Variants in ABLIM1 observed in about 807,000 individuals in gnomAD.
ABLIM1 encodes actin-binding LIM protein 1.
ABLIM1 carries 40 observed loss-of-function variants against 107.0 expected under a neutral mutation model. The ratio of observed to expected loss-of-function variants is 0.37; its 90% confidence interval spans 0.29 to 0.49. ABLIM1 has a LOEUF of 0.49. Among genes scored for constraint, ABLIM1 ranks in the 20% least tolerant of loss-of-function variants. The pLI is 0.97. For synonymous variants in ABLIM1, 357 were observed against 357.3 expected (o/e 1.00, Z 0.01); for missense variants, 857 against 1,008.5 (o/e 0.85, Z 2.04).
chr10:114,680,372 G>A (rs7083553), intron 1 of ABLIM1, among the ~76,000 whole-genome samples: 3,737 of 152,284 alleles, frequency 0.025, 141 homozygotes, highest in African/African-American at 0.085. Flanking sequence ...AAATCTCTCT[G>A]CTTCTAGAGC....
At chr10:114,618,180 C>T (rs534071138) in intron 1 of ABLIM1, among the ~76,000 whole-genome samples, 4 of 152,290 alleles carry the variant, frequency 2.6e-5, no homozygotes, top group African/African-American at 9.6e-5. Context: ...TGGTTAAACC[C>T]ATGGTCACTG....
chr10:114,540,972 G>A (rs1429431306), intron 6 of ABLIM1, among the ~76,000 whole-genome samples: 2 of 152,164 alleles, frequency 1.3e-5, no homozygotes, highest in African/African-American at 4.8e-5. Context: ...ATCTTGAGAT[G>A]GTGAGGTCAT....
chr10:114,716,415 AC>A (rs999852526), intron 1 of ABLIM1, among the ~76,000 whole-genome samples: 3 of 147,736 alleles, frequency 2.0e-5, no homozygotes, highest in African/African-American at 7.4e-5. Flanking sequence ...AGAGAAACAC[AC>A]ACACACACAC....
the ABLIM1 span, among the ~76,000 whole-genome samples, chr10:114,784,349 AAAAGAAAG>A: frequency 5.4e-4 from 71 of 131,940 alleles, no homozygotes; most frequent in South Asian, 1.2e-3. Flanking sequence ...CTGTCTCAAA[AAAAGAAAG>A]AAAGAAAGAA....
intron 6 of ABLIM1, among the ~76,000 whole-genome samples, chr10:114,535,254 C>T (rs1306840372): frequency 1.3e-5 from 2 of 152,064 alleles, no homozygotes; most frequent in Admixed American, 1.3e-4. Flanking sequence ...GGTAACCTCT[C>T]GCCACACAAA....
chr10:114,734,458 G>A (rs1161929012), intron 1 of ABLIM1, among the ~76,000 whole-genome samples: 1 of 151,912 alleles, frequency 6.6e-6, no homozygotes, highest in African/African-American at 2.4e-5. Flanking sequence ...AGCCAAATTG[G>A]TTTCCTTCAG....
chr10:114,491,012 G>GTATGTATATATA (rs1555092305), intron 7 of ABLIM1, among the ~76,000 whole-genome samples: 40 of 92,396 alleles, frequency 4.3e-4, no homozygotes, highest in African/African-American at 1.8e-3. Flanking sequence ...GTGTGTGTGT[G>GTATGTATATATA]TATATATATA....
chr10:114,770,290 A>G (rs1408841691), upstream of ABLIM1, among the ~76,000 whole-genome samples: 4 of 152,208 alleles, frequency 2.6e-5, no homozygotes, highest in African/African-American at 7.2e-5. Context: ...TAGGGTTACA[A>G]TGGTGAACAA....
At chr10:114,786,633 GA>G in the ABLIM1 span, among the ~76,000 whole-genome samples, 2 of 152,218 alleles carry the variant, frequency 1.3e-5, no homozygotes, top group Admixed American at 1.3e-4. Flanking sequence ...AAGAAAAGCA[GA>G]GGGGCACTGA....
chr10:114,588,031 G>T (rs1333690), intron 2 of ABLIM1, among the ~76,000 whole-genome samples: 59,108 of 152,058 alleles, frequency 0.39, 13,507 homozygotes, highest in Non-Finnish European at 0.52. Context: ...TGAAGGCAGA[G>T]ATCACGTCTG....
At chr10:114,648,808 C>T (rs897714615) in intron 1 of ABLIM1, among the ~76,000 whole-genome samples, 10 of 152,242 alleles carry the variant, frequency 6.6e-5, no homozygotes, top group Non-Finnish European at 1.0e-4. Flanking sequence ...TAGGGAGACA[C>T]GCAAACAAAC....
intron 11 of ABLIM1, among the ~76,000 whole-genome samples, chr10:114,466,176 C>CA (rs756309962): frequency 4.6e-5 from 7 of 151,974 alleles, no homozygotes; most frequent in Non-Finnish European, 7.4e-5. Flanking sequence ...CTTGTCTTTA[C>CA]AAAAAACTGT....
chr10:114,718,062 A>AAAGG (rs1308728552), intron 1 of ABLIM1, among the ~76,000 whole-genome samples: 4 of 47,470 alleles, frequency 8.4e-5, no homozygotes, highest in Non-Finnish European at 1.4e-4. Context: ...AGAAAGAAAG[A>AAAGG]AAGGAAGAAA....
intron 1 of ABLIM1, among the ~76,000 whole-genome samples, chr10:114,760,122 G>A (rs1241657758): frequency 6.6e-6 from 1 of 151,448 alleles, no homozygotes. Flanking sequence ...GGAATAGACA[G>A]GATTTGAAAT....
chr10:114,444,206 T>G, intron 16 of ABLIM1, 72 bp from the exon 17 acceptor site: 6 of 1,310,658 alleles, frequency 4.6e-6, no homozygotes, highest in East Asian at 2.3e-5. Flanking sequence ...GGAGCTGCAG[T>G]TTCTTTGTAG....
intron 1 of ABLIM1, among the ~76,000 whole-genome samples, chr10:114,715,549 G>C (rs942442045): frequency 6.6e-6 from 1 of 152,116 alleles, no homozygotes. Flanking sequence ...TTGCAGCTCA[G>C]ATTACCCTCC....
intron 12 of ABLIM1, among the ~76,000 whole-genome samples, chr10:114,462,289 C>T (rs1223141749): frequency 6.6e-6 from 1 of 152,166 alleles, no homozygotes; most frequent in Non-Finnish European, 1.5e-5. Flanking sequence ...TTATTTGGTT[C>T]AAATCAAGTT....
rs2078042600 is a variant in ABLIM1 at position 114,629,705 on chromosome 10, AC to A, written c.245-27745del. ...CTGTGTGACCTTCAGCAACCTACTT[AC>A]CCTTTCTGATCCCCAGTTTTCTCAT... is the stretch of plus-strand genomic sequence containing the variant. On this transcript the variant is annotated intron_variant, in intron 1 of 22. Transcript: ENST00000533213. The surrounding 1 kb of genome is among the most constrained non-coding windows in gnomAD (Gnocchi z 4.0). 1.3e-5 allele frequency among the ~76,000 whole-genome samples: 2 copies of A among 152,112 alleles called. No individual in the cohort carries two copies. Among genetic ancestry groups the A allele is most frequent in the South Asian group, 4.2e-4 (2 of 4,806 alleles).
intron 1 of ABLIM1, among the ~76,000 whole-genome samples, chr10:114,718,675 C>G (rs1229602485): frequency 6.6e-6 from 1 of 152,184 alleles, no homozygotes; most frequent in Non-Finnish European, 1.5e-5. Context: ...TTTAAAGGTG[C>G]TCAAGTCCTA....
Sources: gnomAD v4.1 joint callset for allele counts (sites outside exome capture counted in the v4.1 genomes callset) on GRCh38, gnomAD v4.1.1 for gene constraint, Gnocchi (gnomAD v3.1) non-coding constraint, MANE v1.5 for transcripts, NCBI Gene and HGNC (gene_info 2026-07-23, HGNC 2026-07-21) for gene names.